The following LRRTM4 variants were observed in gnomAD, a reference collection of about 807,000 sequenced individuals.
LRRTM4 encodes leucine-rich repeat transmembrane neuronal protein 4.
In LRRTM4, 25 loss-of-function variants were observed where a neutral mutation model predicts 47.6. That is an observed-to-expected ratio of 0.53 (90% confidence interval 0.38 to 0.73). The LOEUF (loss-of-function observed/expected upper bound fraction) is 0.73, where lower values mean the gene tolerates loss of function less well. LRRTM4 is among the 30% of genes least tolerant of loss of function. The pLI, the probability that LRRTM4 is intolerant of heterozygous loss-of-function variation, is 0.00. For synonymous variants in LRRTM4, 311 were observed against 269.5 expected (o/e 1.15, Z -1.51); for missense variants, 638 against 713.4 (o/e 0.89, Z 1.20).
chr2:77,385,231 C>T (rs992796621), intron 3 of LRRTM4, among the ~76,000 whole-genome samples: 1 of 152,116 alleles, frequency 6.6e-6, no homozygotes, highest in East Asian at 1.9e-4. Context: ...GTAGATTATA[C>T]TCTAATGAAC....
At chr2:76,868,376 T>C (rs546062210) in intron 3 of LRRTM4, among the ~76,000 whole-genome samples, 10 of 152,272 alleles carry the variant, frequency 6.6e-5, no homozygotes, top group South Asian at 4.1e-4. Context: ...TAAGTTACGG[T>C]GGGTTTTCAA....
At chr2:77,448,663 T>G (rs1366889984) in intron 3 of LRRTM4, among the ~76,000 whole-genome samples, 1 of 152,110 alleles carries the variant, frequency 6.6e-6, no homozygotes, top group African/African-American at 2.4e-5. Context: ...AATATTAGTG[T>G]GGGCATGAGA....
At chr2:77,462,785 C>A (rs1273247397) in intron 3 of LRRTM4, among the ~76,000 whole-genome samples, 1 of 152,004 alleles carries the variant, frequency 6.6e-6, no homozygotes, top group Non-Finnish European at 1.5e-5. Flanking sequence ...AATAAAATCA[C>A]AAATTGCCTA....
chr2:76,783,406 C>T lies in LRRTM4; in HGVS notation c.1552-34490G>A, dbSNP rs143521801. Reference sequence around the variant, plus strand: ...AAAATATACATAACATAAAATGTACCATTTTAATCGTGTTTAAGTGTTCAG... The same window carrying T: ...AAAATATACATAACATAAAATGTACTATTTTAATCGTGTTTAAGTGTTCAG... On this transcript the variant is annotated intron_variant, in intron 3 of 3. Coordinates refer to ENST00000409884, the MANE Select transcript of LRRTM4 (RefSeq NM_001134745.3). Among the ~76,000 whole-genome samples, 509 of 151,720 alleles carry T rather than the reference C, an allele frequency of 3.4e-3. 4 individuals carry two copies. The highest frequency in any genetic ancestry group is 0.012 in the African/African-American group (489 of 41,380).
chr2:77,459,866 T>A (rs933252544), intron 3 of LRRTM4, among the ~76,000 whole-genome samples: 4 of 152,050 alleles, frequency 2.6e-5, no homozygotes, highest in Non-Finnish European at 5.9e-5. Flanking sequence ...TTTACGCTGA[T>A]GAAATTTTGA....
At position 77,315,174 on chromosome 2, in the gene LRRTM4, G is replaced by T. The variant is rs113988198; in HGVS notation, c.1551+203144C>A. 7.6e-3 allele frequency among the ~76,000 whole-genome samples: 1,160 copies of T among 152,246 alleles called. 17 individuals are homozygous for T. Among genetic ancestry groups the T allele is most frequent in the African/African-American group, 0.027 (1,104 of 41,534 alleles). ...TAATAATAATATGTTATTATGCAAA[G>T]TTAAAGGTTTTTTTCTGGAATAGTG... On this transcript the variant is annotated intron_variant, in intron 3 of 3. Transcript: ENST00000409884.
chr2:76,880,630 GA>G (rs964793185), intron 3 of LRRTM4, among the ~76,000 whole-genome samples: 1 of 151,706 alleles, frequency 6.6e-6, no homozygotes, highest in Non-Finnish European at 1.5e-5. Flanking sequence ...AGTATTGGAA[GA>G]AAAAAAACCA....
At chr2:76,979,602 A>G (rs13022614) in intron 3 of LRRTM4, among the ~76,000 whole-genome samples, 2 of 150,240 alleles carry the variant, frequency 1.3e-5, no homozygotes, top group East Asian at 3.9e-4. Flanking sequence ...AAAAGGCACA[A>G]CAACAAGGGA....
At chr2:77,031,814 A>T (rs555495806) in intron 3 of LRRTM4, among the ~76,000 whole-genome samples, 1 of 152,266 alleles carries the variant, frequency 6.6e-6, no homozygotes, top group South Asian at 2.1e-4. Flanking sequence ...AATTATACTT[A>T]TAAGAAGTAA....
chr2:77,366,948 T>C (rs1290625524), intron 3 of LRRTM4, among the ~76,000 whole-genome samples: 1 of 151,874 alleles, frequency 6.6e-6, no homozygotes, highest in African/African-American at 2.4e-5. Context: ...CTACTCTCCT[T>C]CATTAATGAA....
intron 3 of LRRTM4, among the ~76,000 whole-genome samples, chr2:76,814,859 A>C (rs1481810177): frequency 2.6e-5 from 4 of 152,010 alleles, no homozygotes; most frequent in Non-Finnish European, 5.9e-5. Flanking sequence ...TACATATGTA[A>C]AGTTATTAAC....
chr2:76,749,115 CTT>C (rs907769382), intron 3 of LRRTM4, among the ~76,000 whole-genome samples, 199 bp from the exon 4 acceptor site: 7 of 152,176 alleles, frequency 4.6e-5, no homozygotes, highest in Non-Finnish European at 1.5e-5. Flanking sequence ...TGTGTATAGA[CTT>C]TGTACATAAA....
chr2:77,416,518 C>T (rs998448212), intron 3 of LRRTM4, among the ~76,000 whole-genome samples: 4 of 151,978 alleles, frequency 2.6e-5, no homozygotes, highest in Non-Finnish European at 5.9e-5. Context: ...GATTGATAAT[C>T]GCCCAACATT....
At chr2:76,777,074 C>A (rs765106417) in intron 3 of LRRTM4, among the ~76,000 whole-genome samples, 19 of 133,994 alleles carry the variant, frequency 1.4e-4, no homozygotes, top group African/African-American at 4.0e-4. Flanking sequence ...GTTGTAGATA[C>A]GCGGCATTAT....
intron 3 of LRRTM4, among the ~76,000 whole-genome samples, chr2:77,387,757 C>G (rs781130184): frequency 1.3e-5 from 2 of 152,054 alleles, no homozygotes; most frequent in Non-Finnish European, 2.9e-5. Context: ...ATCATTCTAC[C>G]TGATGAGGAA....
At chr2:76,812,724 CT>C (rs1419406029) in intron 3 of LRRTM4, among the ~76,000 whole-genome samples, 2 of 123,008 alleles carry the variant, frequency 1.6e-5, no homozygotes, top group East Asian at 5.5e-4. Context: ...TTTTCTTTCT[CT>C]TTTTCTCCTC....
intron 3 of LRRTM4, among the ~76,000 whole-genome samples, chr2:77,274,999 C>T (rs1329060516): frequency 1.3e-5 from 2 of 151,902 alleles, no homozygotes; most frequent in African/African-American, 4.8e-5. Flanking sequence ...GTGTGCAAAA[C>T]ACTAGAATCC....
chr2:77,052,416 G>A (rs1053832826), intron 3 of LRRTM4, among the ~76,000 whole-genome samples: 14 of 151,736 alleles, frequency 9.2e-5, no homozygotes, highest in African/African-American at 1.7e-4. Flanking sequence ...AGATCCACCC[G>A]CCTTGGCCTC....
chr2:76,762,305 T>C (rs1206711573), intron 3 of LRRTM4, among the ~76,000 whole-genome samples: 1 of 152,184 alleles, frequency 6.6e-6, no homozygotes, highest in Non-Finnish European at 1.5e-5. Flanking sequence ...CTTTGTTATT[T>C]TTCCTGGCCA....
Sources: allele counts gnomAD v4.1 joint callset (sites outside exome capture counted in the v4.1 genomes callset), GRCh38; gene constraint gnomAD v4.1.1; transcripts MANE v1.5; gene names NCBI Gene and HGNC (gene_info 2026-07-23, HGNC 2026-07-21).